Variants in MAGI2 observed in about 807,000 individuals in gnomAD.
MAGI2 encodes membrane-associated guanylate kinase, WW and PDZ domain-containing protein 2.
In MAGI2, 35 loss-of-function variants were observed where a neutral mutation model predicts 133.3. That is an observed-to-expected ratio of 0.26 (90% CI 0.20 to 0.35). The LOEUF is 0.35. MAGI2 is among the 10% of genes least tolerant of loss of function. The pLI is 1.00. For missense variants in MAGI2, 1,636 were observed against 1,863.4 expected (o/e 0.88, Z 2.25); for synonymous variants, 729 against 710.6 (o/e 1.03, Z -0.41).
intron 1 of MAGI2, among the ~76,000 whole-genome samples, chr7:79,025,316 AAAG>A (rs1223698567): frequency 6.6e-6 from 1 of 152,156 alleles, no homozygotes; most frequent in Non-Finnish European, 1.5e-5. Context: ...ATGTGGACAC[AAAG>A]AAGGGAACAA....
At chr7:79,417,707 C>T (rs57093408) in intron 1 of MAGI2, among the ~76,000 whole-genome samples, 2,608 of 151,770 alleles carry the variant, frequency 0.017, 78 homozygotes, top group African/African-American at 0.059. Context: ...ATAATATTGT[C>T]CAGGCTGCAG....
At chr7:78,970,452 T>G (rs1006576370) in intron 2 of MAGI2, among the ~76,000 whole-genome samples, 4 of 152,080 alleles carry the variant, frequency 2.6e-5, no homozygotes, top group African/African-American at 9.7e-5. Flanking sequence ...TTAAAATAAC[T>G]TGAGATCCCC....
At chr7:78,571,865 A>G (rs934280616) in intron 3 of MAGI2, among the ~76,000 whole-genome samples, 3 of 152,164 alleles carry the variant, frequency 2.0e-5, no homozygotes, top group Non-Finnish European at 4.4e-5. Context: ...TTTTCTAAGA[A>G]TAGAATATTT....
intron 20 of MAGI2, among the ~76,000 whole-genome samples, chr7:78,096,346 A>G (rs941051831): frequency 6.6e-6 from 1 of 152,352 alleles, no homozygotes; most frequent in African/African-American, 2.4e-5. Context: ...GAGAATGGGA[A>G]TTATGGTGGT....
intron 3 of MAGI2, among the ~76,000 whole-genome samples, chr7:78,545,314 G>T (rs1364739977): frequency 6.9e-6 from 1 of 145,572 alleles, no homozygotes; most frequent in Non-Finnish European, 1.5e-5. Context: ...TCAGGTTCAA[G>T]CAATTCTCCT....
intron 2 of MAGI2, among the ~76,000 whole-genome samples, chr7:78,826,894 G>T (rs1790705277): frequency 6.6e-6 from 1 of 151,974 alleles, no homozygotes; most frequent in Non-Finnish European, 1.5e-5. Flanking sequence ...TCCTGGAATT[G>T]AACAATTAAA....
At chr7:78,314,892 T>G (rs923971026) in intron 9 of MAGI2, among the ~76,000 whole-genome samples, 2 of 152,196 alleles carry the variant, frequency 1.3e-5, no homozygotes, top group Non-Finnish European at 2.9e-5. Context: ...GTTGTTTCTA[T>G]TAGAGGATAG....
chr7:78,403,986 T>C (rs1797142347), intron 6 of MAGI2, among the ~76,000 whole-genome samples: 1 of 152,172 alleles, frequency 6.6e-6, no homozygotes. Flanking sequence ...ACAAAATCAA[T>C]GTGCAAAAAT....
In MAGI2 at chr7:78,062,976, T is replaced by C. The variant is rs559108334; in HGVS notation, c.3706+15971A>G. Among the ~76,000 whole-genome samples the C allele has an allele frequency of 2.2e-4, 33 of 152,334 alleles. No individual in the cohort carries two copies. In the South Asian group the frequency reaches 6.2e-3, roughly 29 times the overall value. ...CACCAACCTTCTTTATTTTCATCAATGAAATGACTGAAATATCCCCAATAT... is the reference window on the plus strand; with the variant it reads ...CACCAACCTTCTTTATTTTCATCAACGAAATGACTGAAATATCCCCAATAT... On this transcript the variant is annotated intron_variant, in intron 21 of 21. Coordinates refer to ENST00000354212, the MANE Select transcript of MAGI2 (RefSeq NM_012301.4).
At chr7:78,772,033 C>T (rs1367949251) in intron 2 of MAGI2, among the ~76,000 whole-genome samples, 1 of 152,076 alleles carries the variant, frequency 6.6e-6, no homozygotes, top group Non-Finnish European at 1.5e-5. Context: ...ACACAGCACC[C>T]CAGAGACAGA....
At chr7:79,004,534 G>T (rs553829208) in intron 2 of MAGI2, among the ~76,000 whole-genome samples, 68 of 152,210 alleles carry the variant, frequency 4.5e-4, no homozygotes, top group African/African-American at 1.6e-3. Context: ...CTATTATTTG[G>T]CAGAAGAGTA....
chr7:78,387,374 C>G (rs1185327709), intron 6 of MAGI2, among the ~76,000 whole-genome samples: 2 of 152,162 alleles, frequency 1.3e-5, no homozygotes, highest in African/African-American at 2.4e-5. Flanking sequence ...AGGCAGACCA[C>G]AGACCCACTC....
chr7:78,765,935 C>T (rs898904093), intron 2 of MAGI2, among the ~76,000 whole-genome samples: 1 of 152,296 alleles, frequency 6.6e-6, no homozygotes, highest in East Asian at 1.9e-4. Context: ...GCAGAGGCAC[C>T]AGCATGTGCT....
chr7:79,018,032 A>T (rs1389949489), intron 1 of MAGI2, among the ~76,000 whole-genome samples: 1 of 152,022 alleles, frequency 6.6e-6, no homozygotes, highest in Non-Finnish European at 1.5e-5. Flanking sequence ...ATCCATGAAA[A>T]TTTCCCCAAT....
chr7:78,120,785 A>C (rs1400817286), intron 20 of MAGI2, among the ~76,000 whole-genome samples: 2 of 151,628 alleles, frequency 1.3e-5, no homozygotes, highest in Non-Finnish European at 2.9e-5. Context: ...GCGGATCACG[A>C]GGTCAGGAGA....
chr7:78,612,110 C>T (rs1303396397), intron 3 of MAGI2, among the ~76,000 whole-genome samples: 3 of 152,032 alleles, frequency 2.0e-5, no homozygotes, highest in East Asian at 3.9e-4. Context: ...TTGTAAAAAT[C>T]GTATGCTATT....
chr7:78,545,375 G>C (rs1164796919), intron 3 of MAGI2, among the ~76,000 whole-genome samples: 1 of 151,868 alleles, frequency 6.6e-6, no homozygotes, highest in African/African-American at 2.4e-5. Flanking sequence ...ACCATGCCCG[G>C]CTAATTTTTG....
intron 21 of MAGI2, among the ~76,000 whole-genome samples, chr7:78,037,264 C>G (rs1810331347): frequency 6.6e-6 from 1 of 152,166 alleles, no homozygotes; most frequent in African/African-American, 2.4e-5. Flanking sequence ...ATGTCCTTAG[C>G]TCCAGCTGCA....
chr7:79,028,295 G>A (rs866879382), intron 1 of MAGI2, among the ~76,000 whole-genome samples: 537 of 22,370 alleles, frequency 0.024, 11 homozygotes, highest in African/African-American at 0.066. Context: ...ATATATATGT[G>A]TGTATATATA....
Sources: gnomAD v4.1 joint callset for allele counts (sites outside exome capture counted in the v4.1 genomes callset) on GRCh38, gnomAD v4.1.1 for gene constraint, MANE v1.5 for transcripts, NCBI Gene and HGNC (gene_info 2026-07-23, HGNC 2026-07-21) for gene names.